The following NLK variants were observed in gnomAD, a reference collection of about 807,000 sequenced individuals.
The protein encoded by NLK is serine/threonine-protein kinase NLK.
NLK carries 11 observed loss-of-function variants against 59.0 expected under a neutral mutation model. The ratio of observed to expected loss-of-function variants is 0.19; its 90% CI spans 0.12 to 0.31. The LOEUF (loss-of-function observed/expected upper bound fraction) is 0.31. Among genes scored for constraint, NLK ranks in the 10% least tolerant of loss-of-function variants. NLK has a pLI of 1.00. For missense variants in NLK, 410 were observed against 661.1 expected (o/e 0.62, Z 4.16); for synonymous variants, 235 against 235.9 (o/e 1.00, Z 0.03).
chr17:28,141,685 T>C (rs530129981), intron 3 of NLK, among the ~76,000 whole-genome samples: 1 of 152,326 alleles, frequency 6.6e-6, no homozygotes, highest in South Asian at 2.1e-4. Flanking sequence ...AATGTTAATA[T>C]TCATTGTATT....
intron 1 of NLK, among the ~76,000 whole-genome samples, chr17:28,064,174 CTTTTTTTTTTT>C (rs66949112): frequency 2.0e-5 from 2 of 99,628 alleles, no homozygotes; most frequent in South Asian, 4.1e-4. Context: ...AGTTAGCAAA[CTTTTTTTTTTT>C]TTTTTTTTTT....
chr17:28,161,344 G>A lies in NLK; in HGVS notation c.751+78G>A, dbSNP rs942045538. ...TTGCTTCTCATTTAGACTTTAATCC[G>A]ATCTTCCAAGGTTTTCTTCTTCTCT... On this transcript the variant is annotated intron_variant, in intron 4 of 10. Transcript: ENST00000407008. The A allele has an allele frequency of 1.5e-5, 11 of 752,412 alleles. No homozygotes were observed. The Middle Eastern group carries it at 7.1e-4, about 49-fold the overall frequency. 46.6% of individuals were successfully genotyped at this position (752,412 alleles called of 1,614,324 possible).
intron 7 of NLK, among the ~76,000 whole-genome samples, chr17:28,176,189 T>C (rs922749668): frequency 7.0e-4 from 107 of 152,306 alleles, no homozygotes; most frequent in African/African-American, 2.4e-3. Flanking sequence ...AGGTCTTCAT[T>C]TGGGGGTCTA....
intron 7 of NLK, among the ~76,000 whole-genome samples, chr17:28,181,189 G>A (rs1301443427): frequency 2.6e-5 from 4 of 152,044 alleles, no homozygotes; most frequent in Non-Finnish European, 1.5e-5. Flanking sequence ...GCCTGAGCTC[G>A]GGAGTTCGAA....
At chr17:28,193,476 G>A (rs1255493156) in intron 10 of NLK, among the ~76,000 whole-genome samples, 1 of 152,204 alleles carries the variant, frequency 6.6e-6, no homozygotes, top group Non-Finnish European at 1.5e-5. Flanking sequence ...AAGGAAGGGA[G>A]ACTGCTTCCT....
intron 2 of NLK, among the ~76,000 whole-genome samples, chr17:28,128,233 A>T (rs1032611055): frequency 6.6e-6 from 1 of 152,188 alleles, no homozygotes; most frequent in Non-Finnish European, 1.5e-5. Context: ...TAAAACACCC[A>T]TAAAAAATTG....
intron 1 of NLK, among the ~76,000 whole-genome samples, chr17:28,093,216 G>A (rs1904571488): frequency 6.6e-6 from 1 of 152,046 alleles, no homozygotes; most frequent in Non-Finnish European, 1.5e-5. Context: ...ACAAAACAAA[G>A]GGCTTTCCTT....
At chr17:28,114,302 A>G (rs1000381531) in intron 1 of NLK, among the ~76,000 whole-genome samples, 3 of 152,158 alleles carry the variant, frequency 2.0e-5, no homozygotes, top group Non-Finnish European at 4.4e-5. Flanking sequence ...TATATTTTTG[A>G]CTTAATAGAT....
intron 1 of NLK, among the ~76,000 whole-genome samples, chr17:28,078,160 A>G (rs1471906330): frequency 6.6e-6 from 1 of 152,204 alleles, no homozygotes; most frequent in Admixed American, 6.5e-5. Flanking sequence ...CTCCCAGAAA[A>G]CATATGTGAT....
At chr17:28,071,733 C>T (rs771980045) in intron 1 of NLK, among the ~76,000 whole-genome samples, 3 of 152,194 alleles carry the variant, frequency 2.0e-5, no homozygotes, top group African/African-American at 4.8e-5. Flanking sequence ...CTGTATCCTA[C>T]GTGAAGGCTT....
intron 7 of NLK, among the ~76,000 whole-genome samples, chr17:28,174,179 G>A (rs940469770): frequency 6.6e-6 from 1 of 152,042 alleles, no homozygotes; most frequent in Non-Finnish European, 1.5e-5. Flanking sequence ...TCTGTTAGTT[G>A]TAAAAACCTA....
chr17:28,092,747 TTTTTA>T (rs527686804), intron 1 of NLK, among the ~76,000 whole-genome samples: 15,411 of 139,232 alleles, frequency 0.11, 1,004 homozygotes, highest in African/African-American at 0.16. Flanking sequence ...AAGTGGCTTG[TTTTTA>T]TTTTATTTTA....
intron 8 of NLK, among the ~76,000 whole-genome samples, chr17:28,188,175 C>T (rs988377472): frequency 9.2e-5 from 14 of 152,194 alleles, no homozygotes; most frequent in African/African-American, 3.4e-4. Flanking sequence ...CACCATTGTA[C>T]TCCATCCTGG....
At chr17:28,204,835 T>C in the NLK span, among the ~76,000 whole-genome samples, 2 of 152,354 alleles carry the variant, frequency 1.3e-5, no homozygotes, top group East Asian at 3.9e-4. Flanking sequence ...TACTGTTGAA[T>C]GCACTTCCTA....
chr17:28,145,250 T>A (rs1384005876), intron 3 of NLK, among the ~76,000 whole-genome samples: 1 of 152,116 alleles, frequency 6.6e-6, no homozygotes, highest in African/African-American at 2.4e-5. Flanking sequence ...TTTGGGGGGA[T>A]ATGGGGACTA....
At chr17:28,079,325 GATATGCAA>G (rs776104081) in intron 1 of NLK, among the ~76,000 whole-genome samples, 1 of 152,178 alleles carries the variant, frequency 6.6e-6, no homozygotes, top group Non-Finnish European at 1.5e-5. Flanking sequence ...GTAATGAACA[GATATGCAA>G]ATATCTCTTT....
At chr17:28,189,631 C>G (rs1420586016) in intron 8 of NLK, among the ~76,000 whole-genome samples, 1 of 152,120 alleles carries the variant, frequency 6.6e-6, no homozygotes. Flanking sequence ...CTCAGAGAGG[C>G]CTGGGATCAG....
chr17:28,091,185 G>A (rs1904478821), intron 1 of NLK, among the ~76,000 whole-genome samples: 3 of 152,170 alleles, frequency 2.0e-5, no homozygotes, highest in African/African-American at 4.8e-5. Context: ...GCTTAGGCCA[G>A]TGTGAGCCAT....
At chr17:28,183,199 G>A (rs1305095732) in intron 7 of NLK, among the ~76,000 whole-genome samples, 1 of 152,218 alleles carries the variant, frequency 6.6e-6, no homozygotes, top group Non-Finnish European at 1.5e-5. Flanking sequence ...AGAAGCAGCA[G>A]CACTTAGAGC....
Sources: gnomAD v4.1 joint callset for allele counts (sites outside exome capture counted in the v4.1 genomes callset) on GRCh38, gnomAD v4.1.1 for gene constraint, MANE v1.5 for transcripts, NCBI Gene and HGNC (gene_info 2026-07-23, HGNC 2026-07-21) for gene names.